Variants in SH3BP4 observed in about 807,000 individuals in gnomAD.
SH3BP4 encodes SH3 domain-binding protein 4.
In SH3BP4, 33 loss-of-function variants were observed where a neutral mutation model predicts 65.5. The ratio of observed to expected loss-of-function variants is 0.50; its 90% CI spans 0.38 to 0.67. The LOEUF (loss-of-function observed/expected upper bound fraction) is 0.67. SH3BP4 is among the 30% of genes least tolerant of loss of function. The probability of loss-of-function intolerance (pLI) is 0.00; values close to 1 mark genes in which losing one functional copy is unlikely to be tolerated. For synonymous variants in SH3BP4, 552 were observed against 545.5 expected, an observed-to-expected ratio of 1.01 and a Z score of -0.17; for missense variants, 1,134 against 1,261.4, an observed-to-expected ratio of 0.90 and a Z score of 1.53.
rs1033305764 is a variant in SH3BP4, at chr2:234,952,718, C to T, written c.-207+548C>T. On this transcript the variant is annotated intron_variant, in intron 1 of 5. Transcript: ENST00000392011. This position sits in a 1 kb window ranked among gnomAD's most constrained non-coding sequence, Gnocchi z 6.5. ...GCATATTTCAACTTCTTCGGAGATC[C>T]CTCCTGTGAGGATGAAATTGAAAAC... The T allele has an allele frequency of 6.6e-6, 1 of 152,186 alleles. No homozygotes were observed. The highest frequency in any genetic ancestry group is 2.4e-5 in the African/African-American group (1 of 41,454). The allele number at this position is 152,186 out of a possible 1,614,324, so 9.4% of individuals were successfully genotyped here.
At chr2:235,009,980 C>T (rs961638458) in intron 2 of SH3BP4, among the ~76,000 whole-genome samples, 7 of 152,104 alleles carry the variant, frequency 4.6e-5, no homozygotes, top group Non-Finnish European at 8.8e-5. Context: ...TATAGATGCT[C>T]AGTCACCTCC....
chr2:234,966,231 A>C (rs1692833624), intron 1 of SH3BP4, among the ~76,000 whole-genome samples: 1 of 152,102 alleles, frequency 6.6e-6, no homozygotes, highest in African/African-American at 2.4e-5. Flanking sequence ...ATACAAAATT[A>C]ACCAGGCCTG....
rs142685789 is a variant in SH3BP4 at position 235,020,366 on chromosome 2, G to A, written c.-132-14505G>A. On this transcript the variant is annotated intron_variant, in intron 2 of 5. Transcript: ENST00000392011. ...ACAAAAATTAGCCAGGCGTGGTGGC[G>A]CGTGCCTGTAATCCCATCTACTCAG... Among the ~76,000 whole-genome samples the A allele has an allele frequency of 4.3e-3, 653 of 152,196 alleles. 4 individuals carry two copies. The highest frequency in any genetic ancestry group is 0.015 in the African/African-American group (630 of 41,524).
At chr2:235,043,717 C>T (rs1328321857) in intron 4 of SH3BP4, among the ~76,000 whole-genome samples, 4 of 110,230 alleles carry the variant, frequency 3.6e-5, no homozygotes, top group East Asian at 3.0e-4. Flanking sequence ...GAGATAGGTG[C>T]GGCTCAGCAC....
chr2:235,035,174 G>T lies in SH3BP4; in HGVS notation c.118+54G>T. On this transcript the variant is annotated intron_variant, in intron 3 of 5. Transcript: ENST00000392011. This position sits in a 1 kb window ranked among gnomAD's most constrained non-coding sequence, Gnocchi z 5.0. ...TAAGGGAGAACGTTGGGATTTTCAA[G>T]TTGGGATCCAAGAACTTTTCTGCTT... 1 of 1,366,214 alleles carries T rather than the reference G, an allele frequency of 7.3e-7. No homozygotes were observed. Among genetic ancestry groups the T allele is most frequent in the South Asian group, 1.2e-5 (1 of 84,994 alleles). 84.6% of individuals were successfully genotyped at this position (1,366,214 alleles called of 1,614,324 possible).
chr2:235,000,053 C>G (rs1178989502), intron 2 of SH3BP4, among the ~76,000 whole-genome samples: 3 of 152,232 alleles, frequency 2.0e-5, no homozygotes, highest in Non-Finnish European at 4.4e-5. Context: ...GTCTCCACCA[C>G]TGATCCATCT....
At chr2:235,017,720 G>A (rs1259154056) in intron 2 of SH3BP4, among the ~76,000 whole-genome samples, 1 of 152,136 alleles carries the variant, frequency 6.6e-6, no homozygotes, top group Non-Finnish European at 1.5e-5. Context: ...CGTGTGTCAG[G>A]CCCCCTCCCC....
chr2:235,053,428 C>T (rs1328260138), intron 5 of SH3BP4, among the ~76,000 whole-genome samples, 164 bp from the exon 6 acceptor site: 1 of 152,198 alleles, frequency 6.6e-6, no homozygotes, highest in Non-Finnish European at 1.5e-5. Flanking sequence ...ACCCTGGCCC[C>T]GAGATGGTTC....
intron 1 of SH3BP4, among the ~76,000 whole-genome samples, chr2:234,954,036 A>T (rs1335348587): frequency 6.6e-6 from 1 of 151,960 alleles, no homozygotes; most frequent in Non-Finnish European, 1.5e-5. Flanking sequence ...ATCCAAAAGA[A>T]CAGTTAGTTC....
In SH3BP4 at chr2:235,041,614, A is replaced by T. The variant is rs1206810693; in HGVS notation, c.845A>T (p.Asp282Val). 1 of 1,613,852 alleles carries T rather than the reference A, an allele frequency of 6.2e-7. No individual in the cohort carries two copies. The highest frequency in any genetic ancestry group is 8.5e-7 in the Non-Finnish European group (1 of 1,180,008). Residue 282 changes from aspartate to valine, a missense_variant, in exon 4 of 6, where the codon GAT becomes GTT. Coordinates refer to ENST00000392011, the MANE Select transcript of SH3BP4 (RefSeq NM_014521.3). This position sits in a 1 kb window ranked among gnomAD's most constrained non-coding sequence, Gnocchi z 6.0. The stretch of plus-strand genomic sequence containing the variant: ...CCCGAGCAATTTCAGAGCCGGGAGG[A>T]TTTTCGAACTGCCTGGCTAAACCAC... ...PAPEQFQSRE[D>V]FRTAWLNHRK... is the part of the protein sequence containing the mutation.
rs536282175 is a variant in SH3BP4, at chr2:234,988,699, G to T, written c.-206-6604G>T. Among the ~76,000 whole-genome samples, 14 of 152,324 alleles carry T rather than the reference G, an allele frequency of 9.2e-5. No homozygotes were observed. The East Asian group carries it at 2.7e-3, about 30-fold the overall frequency. On this transcript the variant is annotated intron_variant, in intron 1 of 5. Coordinates refer to ENST00000392011, the MANE Select transcript of SH3BP4 (RefSeq NM_014521.3). ...GCCACTCGGTGCTGCGCGGGTGCCA[G>T]GAGGAGCTCACGGTGTGTAGGGGGG...
At position 235,036,844 on chromosome 2, in the gene SH3BP4, G is replaced by A. The variant is rs184586167; in HGVS notation, c.118+1724G>A. Reference sequence around the variant, plus strand: ...GAAGACAAACAAGACAGCCTTGAACGTGAGGAGGAGGACAGCCTCAAACAT... The same window carrying A: ...GAAGACAAACAAGACAGCCTTGAACATGAGGAGGAGGACAGCCTCAAACAT... On this transcript the variant is annotated intron_variant, in intron 3 of 5. Transcript: ENST00000392011. Among the ~76,000 whole-genome samples the A allele has an allele frequency of 8.6e-5, 13 of 151,994 alleles. No homozygotes were observed. In the East Asian group the frequency reaches 1.7e-3, roughly 20 times the overall value.
intron 1 of SH3BP4, among the ~76,000 whole-genome samples, chr2:234,982,614 C>T (rs1216161149): frequency 2.0e-5 from 3 of 152,030 alleles, no homozygotes; most frequent in South Asian, 2.1e-4. Flanking sequence ...ACACAGGCTG[C>T]GGGGAAGCCT....
At chr2:234,981,170 A>G (rs1289382414) in intron 1 of SH3BP4, among the ~76,000 whole-genome samples, 1 of 152,136 alleles carries the variant, frequency 6.6e-6, no homozygotes, top group Non-Finnish European at 1.5e-5. Flanking sequence ...TCCCGGGAGG[A>G]TAATTTGCAG....
In SH3BP4 at chr2:235,052,931, A is replaced by G. The variant is rs549722294; in HGVS notation, c.2667+181A>G. 1.3e-5 allele frequency among the ~76,000 whole-genome samples: 2 copies of G among 152,144 alleles called. No homozygotes were observed. The highest frequency in any genetic ancestry group is 2.9e-5 in the Non-Finnish European group (2 of 68,036). On this transcript the variant is annotated intron_variant, in intron 5 of 5. Coordinates refer to ENST00000392011, the MANE Select transcript of SH3BP4 (RefSeq NM_014521.3). The surrounding 1 kb of genome is among the most constrained non-coding windows in gnomAD (Gnocchi z 5.0). ...TCACTGAGTGGGAGCCATCCTCCGGATTGGTTGTCGTGAGCCCTGGCTTTA... is the reference window on the plus strand; with the variant it reads ...TCACTGAGTGGGAGCCATCCTCCGGGTTGGTTGTCGTGAGCCCTGGCTTTA...
At chr2:234,964,217 G>A (rs1692782885) in intron 1 of SH3BP4, among the ~76,000 whole-genome samples, 1 of 152,306 alleles carries the variant, frequency 6.6e-6, no homozygotes, top group East Asian at 1.9e-4. Flanking sequence ...GCAGGAAACT[G>A]TCCATGAGTT....
intron 4 of SH3BP4, among the ~76,000 whole-genome samples, chr2:235,050,840 G>C (rs1049200834): frequency 6.6e-6 from 1 of 152,132 alleles, no homozygotes; most frequent in Non-Finnish European, 1.5e-5. Context: ...GTGGTTGGCG[G>C]GGGTGGGGGG....
At chr2:235,043,957 G>C (rs1188682328) in intron 4 of SH3BP4, among the ~76,000 whole-genome samples, 2 of 152,242 alleles carry the variant, frequency 1.3e-5, no homozygotes, top group Admixed American at 6.5e-5. Flanking sequence ...GCTCCAAGAG[G>C]GTCCCAGAAT....
Position 234,970,023 on chromosome 2 carries a change from TCACA to T in SH3BP4, c.-207+17857_-207+17860del, listed in dbSNP as rs1044217783. On this transcript the variant is annotated intron_variant, in intron 1 of 5. Transcript: ENST00000392011. ...CTCGCTGTCTCACACACACACACTGTCACACACTCACAAATACACTTACTCACAC... is the reference window on the plus strand; with the variant it reads ...CTCGCTGTCTCACACACACACACTGTCACTCACAAATACACTTACTCACAC... 3.3e-5 allele frequency among the ~76,000 whole-genome samples: 5 copies of T among 149,716 alleles called. 1 individual carries two copies. The highest frequency in any genetic ancestry group is 1.9e-4 in the East Asian group (1 of 5,130).
Sources: allele counts gnomAD v4.1 joint callset (sites outside exome capture counted in the v4.1 genomes callset), GRCh38; gene constraint gnomAD v4.1.1; non-coding constraint Gnocchi (gnomAD v3.1); transcripts MANE v1.5; gene names NCBI Gene and HGNC (gene_info 2026-07-23, HGNC 2026-07-21).